RARB: variants seen among roughly 807,000 people sequenced by gnomAD.
RARB encodes HBV-activated protein.
In RARB, 17 loss-of-function variants were observed where a neutral mutation model predicts 51.9. The ratio of observed to expected loss-of-function variants is 0.33; its 90% CI spans 0.22 to 0.49. The LOEUF is 0.49. RARB is among the 20% of genes least tolerant of loss of function. The pLI, the probability that RARB is intolerant of heterozygous loss-of-function variation, is 0.99. For synonymous variants in RARB, 215 were observed against 195.4 expected, an observed-to-expected ratio of 1.10 and a Z score of -0.84; for missense variants, 369 against 550.8, an observed-to-expected ratio of 0.67 and a Z score of 3.30.
At chr3:24,979,360 G>T (rs1209840653) in intron 2 of RARB, among the ~76,000 whole-genome samples, 2 of 152,134 alleles carry the variant, frequency 1.3e-5, no homozygotes, top group African/African-American at 4.8e-5. Context: ...CATTATTATT[G>T]TGTGGGAGTC....
intron 2 of RARB, among the ~76,000 whole-genome samples, chr3:24,928,291 C>G (rs1695361690): frequency 6.6e-6 from 1 of 151,664 alleles, no homozygotes. Context: ...AGATCACATG[C>G]CTTTTGTACC....
intron 5 of RARB, among the ~76,000 whole-genome samples, chr3:25,274,720 G>T (rs766042136): frequency 1.3e-5 from 2 of 152,024 alleles, no homozygotes; most frequent in African/African-American, 2.4e-5. Context: ...ACTTTCTTCC[G>T]CATGTCCCCT....
chr3:25,155,725 C>T lies in RARB; in HGVS notation c.-279-18394C>T, dbSNP rs141010368. The stretch of plus-strand genomic sequence containing the variant: ...ACCCAAAACAGCAATAGGACTCTTT[C>T]CACATGACTGTTGATGGCTGGCTTA... On this transcript the variant is annotated intron_variant, in intron 4 of 11. Transcript: ENST00000383772. 3.3e-3 allele frequency among the ~76,000 whole-genome samples: 497 copies of T among 152,288 alleles called. 3 individuals are homozygous for T. The highest frequency in any genetic ancestry group is 0.011 in the African/African-American group (466 of 41,548).
intron 2 of RARB, among the ~76,000 whole-genome samples, chr3:24,972,481 T>G (rs1696421711): frequency 6.6e-6 from 1 of 151,908 alleles, no homozygotes; most frequent in African/African-American, 2.4e-5. Flanking sequence ...GCTATATTGA[T>G]TTTTTTTCTT....
chr3:25,258,956 A>C (rs919228438), intron 5 of RARB: 2 of 843,926 alleles, frequency 2.4e-6, no homozygotes, highest in South Asian at 5.4e-5. Context: ...ACACCACCAC[A>C]CTGGGGACCA....
chr3:25,151,416 G>C (rs1041151789), intron 4 of RARB, among the ~76,000 whole-genome samples: 2 of 152,202 alleles, frequency 1.3e-5, no homozygotes, highest in African/African-American at 2.4e-5. Context: ...GGCAGGGAAA[G>C]ACATTAAGTT....
intron 3 of RARB, among the ~76,000 whole-genome samples, chr3:25,093,420 C>T (rs898797013): frequency 2.6e-5 from 4 of 152,018 alleles, no homozygotes; most frequent in African/African-American, 9.7e-5. Context: ...CTCCAAAATG[C>T]CCTTAATTAT....
chr3:24,940,033 A>G (rs1288348331), intron 2 of RARB, among the ~76,000 whole-genome samples: 2 of 152,192 alleles, frequency 1.3e-5, no homozygotes, highest in African/African-American at 2.4e-5. Context: ...TAATGTTATT[A>G]TGTAAATGGG....
intron 2 of RARB, among the ~76,000 whole-genome samples, chr3:24,860,092 T>C (rs1214458322): frequency 6.6e-6 from 1 of 152,136 alleles, no homozygotes; most frequent in East Asian, 1.9e-4. Flanking sequence ...GCCAGGATCT[T>C]GTATTATGTT....
chr3:25,554,677 G>A (rs771227899), intron 3 of RARB, among the ~76,000 whole-genome samples: 10 of 152,118 alleles, frequency 6.6e-5, no homozygotes, highest in Non-Finnish European at 1.2e-4. Flanking sequence ...GCATAGGTTC[G>A]GCCTTAGTCT....
At chr3:25,451,729 G>A (rs181388436) in intron 1 of RARB, among the ~76,000 whole-genome samples, 20 of 152,248 alleles carry the variant, frequency 1.3e-4, no homozygotes, top group Admixed American at 1.3e-3. Context: ...CTGTCAGACT[G>A]GTACTAATGT....
chr3:25,173,355 A>C (rs556543974), intron 4 of RARB, among the ~76,000 whole-genome samples: 17 of 152,330 alleles, frequency 1.1e-4, no homozygotes, highest in African/African-American at 3.8e-4. Context: ...TAGTTCTTAC[A>C]TTAGTGCCTG....
chr3:25,457,299 A>G (rs940012915), intron 1 of RARB, among the ~76,000 whole-genome samples: 5 of 152,198 alleles, frequency 3.3e-5, no homozygotes, highest in African/African-American at 1.2e-4. Flanking sequence ...ATGTACTATC[A>G]TTGCCCATAG....
At chr3:25,332,541 C>T (rs6781934) in intron 5 of RARB, among the ~76,000 whole-genome samples, 35,049 of 151,916 alleles carry the variant, frequency 0.23, 4,627 homozygotes, top group African/African-American at 0.37. Context: ...TAATAAGAGC[C>T]ATTTATGACG....
intron 2 of RARB, among the ~76,000 whole-genome samples, chr3:24,946,640 A>T (rs954439922): frequency 2.0e-5 from 3 of 152,118 alleles, no homozygotes; most frequent in Non-Finnish European, 4.4e-5. Flanking sequence ...AGGCTGAGGC[A>T]GGAGGATTAC....
chr3:25,068,515 A>C (rs1293571241), intron 3 of RARB, among the ~76,000 whole-genome samples: 1 of 152,254 alleles, frequency 6.6e-6, no homozygotes, highest in African/African-American at 2.4e-5. Context: ...TAAATTACAC[A>C]TTCTGTGAGT....
chr3:25,235,167 GT>G (rs1559517057), intron 5 of RARB, among the ~76,000 whole-genome samples: 1 of 152,122 alleles, frequency 6.6e-6, no homozygotes, highest in Non-Finnish European at 1.5e-5. Flanking sequence ...CATTCTTCAA[GT>G]TTTTACTTCC....
intron 5 of RARB, among the ~76,000 whole-genome samples, chr3:25,245,316 A>T (rs1702532303): frequency 6.6e-6 from 1 of 152,030 alleles, no homozygotes; most frequent in Admixed American, 6.6e-5. Context: ...TAAGGTTTAT[A>T]TTGTTTTGTG....
chr3:24,977,567 G>C (rs545695859), intron 2 of RARB, among the ~76,000 whole-genome samples: 176 of 152,226 alleles, frequency 1.2e-3, no homozygotes, highest in African/African-American at 3.9e-3. Context: ...CTGTTGGTCT[G>C]TTATTGGTGT....
Sources: allele counts gnomAD v4.1 joint callset (sites outside exome capture counted in the v4.1 genomes callset), GRCh38; gene constraint gnomAD v4.1.1; transcripts MANE v1.5; gene names NCBI Gene and HGNC (gene_info 2026-07-23, HGNC 2026-07-21).